Variants in ABCC8 observed in about 807,000 individuals in gnomAD.
The protein encoded by ABCC8 is ATP binding cassette subfamily C member 8, also known as ATP-binding cassette sub-family C member 8.
In ABCC8, 137 loss-of-function variants were observed where a neutral mutation model predicts 188.0. The ratio of observed to expected loss-of-function variants is 0.73; its 90% CI spans 0.63 to 0.84. The LOEUF (loss-of-function observed/expected upper bound fraction) is 0.84, where lower values mean the gene tolerates loss of function less well. Ranked by LOEUF, ABCC8 falls within the 40% of genes least tolerant of loss-of-function variation. ABCC8 has a pLI of 0.00. For missense variants in ABCC8, 1,750 were observed against 2,072.7 expected (o/e 0.84, Z 3.02); for synonymous variants, 797 against 846.5 (o/e 0.94, Z 1.01).
intron 3 of ABCC8, among the ~76,000 whole-genome samples, chr11:17,468,943 G>T (rs1200248303): frequency 1.3e-5 from 2 of 152,052 alleles, no homozygotes; most frequent in Non-Finnish European, 2.9e-5. Context: ...CTCTAAGTGG[G>T]CAGTCCTTCC....
Position 17,394,397 on chromosome 11 carries a change from C to T in ABCC8, c.4414G>A (p.Ala1472Thr). 5 of 1,614,200 alleles carry T rather than the reference C, an allele frequency of 3.1e-6. No homozygotes were observed. In the South Asian group the frequency reaches 4.4e-5, roughly 14 times the overall value. Residue 1472 changes from alanine to threonine, a missense_variant and splice_region_variant, in exon 37 of 39, where the codon GCC becomes ACC. Ala to Thr is a moderately conservative substitution (Grantham distance 58). Coordinates refer to ENST00000389817, the MANE Select transcript of ABCC8 (RefSeq NM_000352.6). ...TTCTCCCCGCCTTCTGTGATGATGGCATCTGAAAACAGCCCGGGGAGATGA... is the reference window on the plus strand; with the variant it reads ...TTCTCCCCGCCTTCTGTGATGATGGTATCTGAAAACAGCCCGGGGAGATGA... ...VVKALPGGLD[A>T]IITEGGENFS... is the part of the protein sequence containing the mutation.
rs2133452537 is a variant in ABCC8, at chr11:17,408,450, C to T, written c.2762G>A (p.Cys921Tyr). Residue 921 changes from cysteine to tyrosine, a missense_variant, in exon 23 of 39, where the codon TGC becomes TAC. By Grantham distance (194) the Cys-to-Tyr change is radical. Transcript: ENST00000389817. ...GTLKDFQRSE[C>Y]QLFEHWKTLM... The stretch of plus-strand genomic sequence containing the variant: ...GGTCTTCCAGTGCTCAAAGAGCTGG[C>T]ATTCAGACCTCTGGAAGTCCTTGAG... The T allele has an allele frequency of 6.2e-7, 1 of 1,613,844 alleles. No homozygotes were observed. Among genetic ancestry groups the T allele is most frequent in the Non-Finnish European group, 8.5e-7 (1 of 1,180,032 alleles).
At chr11:17,475,638 T>A (rs77125079) in intron 1 of ABCC8, among the ~76,000 whole-genome samples, 3 of 152,204 alleles carry the variant, frequency 2.0e-5, no homozygotes, top group African/African-American at 7.2e-5. Context: ...GATGCACATA[T>A]GAGCACATAT....
intron 21 of ABCC8, among the ~76,000 whole-genome samples, chr11:17,411,117 A>T (rs1954784596): frequency 6.6e-6 from 1 of 151,988 alleles, no homozygotes. Context: ...ACTCCCACCC[A>T]TCCTTCGCTC....
At chr11:17,455,829 C>T (rs956311941) in intron 6 of ABCC8, among the ~76,000 whole-genome samples, 1 of 150,750 alleles carries the variant, frequency 6.6e-6, no homozygotes, top group Non-Finnish European at 1.5e-5. Context: ...ATCCCAGCTA[C>T]TTGGGAGGCT....
chr11:17,470,116 G>A lies in ABCC8; in HGVS notation c.397C>T (p.Pro133Ser). Residue 133 changes from proline to serine, a missense_variant, in exon 3 of 39, where the codon CCC becomes TCC. Coordinates refer to ENST00000389817, the MANE Select transcript of ABCC8 (RefSeq NM_000352.6). Reference protein sequence around the residue: ...YYHNIETSNFPKLLIALLVYW... With the variant: ...YYHNIETSNFSKLLIALLVYW... Reference sequence around the variant, plus strand: ...CCTCACCTACCAATTAGCAGCTTGGGGAAGTTGGAAGTCTCGATGTTGTGA... The same window carrying A: ...CCTCACCTACCAATTAGCAGCTTGGAGAAGTTGGAAGTCTCGATGTTGTGA... 1.2e-6 allele frequency: 2 copies of A among 1,614,162 alleles called. No homozygotes were observed. Among genetic ancestry groups the A allele is most frequent in the South Asian group, 2.2e-5 (2 of 91,078 alleles).
chr11:17,423,219 T>C (rs1314920320), intron 16 of ABCC8, among the ~76,000 whole-genome samples: 1 of 151,852 alleles, frequency 6.6e-6, no homozygotes, highest in Non-Finnish European at 1.5e-5. Flanking sequence ...TTAGCCGGCA[T>C]GGTGGTGTAC....
chr11:17,397,080 G>A (rs1278724497), intron 32 of ABCC8, 34 bp from the exon 33 acceptor site: 1 of 1,613,926 alleles, frequency 6.2e-7, no homozygotes, highest in East Asian at 2.2e-5. Context: ...CACCAGGCAT[G>A]GGCCACAGCT....
chr11:17,399,275 CAAAAAAAAAAAAAA>C (rs57138230), intron 29 of ABCC8, among the ~76,000 whole-genome samples: 10 of 58,548 alleles, frequency 1.7e-4, no homozygotes, highest in African/African-American at 8.1e-4. Flanking sequence ...GACTCTGCCT[CAAAAAAAAAAAAAA>C]AAAAAAAAAA....
chr11:17,425,748 C>T (rs906788318), intron 16 of ABCC8, among the ~76,000 whole-genome samples: 1 of 152,152 alleles, frequency 6.6e-6, no homozygotes, highest in African/African-American at 2.4e-5. Context: ...AGGTTTGTTA[C>T]ATAGGTATAC....
intron 18 of ABCC8, 62 bp from the exon 19 acceptor site, chr11:17,414,672 G>T: frequency 6.2e-7 from 1 of 1,607,976 alleles, no homozygotes; most frequent in South Asian, 1.1e-5. Context: ...TGTTCTCAGA[G>T]GCAGTTGTCA....
In ABCC8 at chr11:17,476,669, G is replaced by A. The variant is rs757935183; in HGVS notation, c.108C>T (p.His36=). Residue 36 remains histidine (H), a synonymous_variant, in exon 1 of 39, where the codon CAC becomes CAT. Coordinates refer to ENST00000389817, the MANE Select transcript of ABCC8 (RefSeq NM_000352.6). ...GGAAGGTGATGAAGAGTAGGAAGAC[G>A]TGCGGCACCACGTTGAGCGCGTCCA... The part of the protein sequence containing the change: ...CFVDALNVVP[H]VFLLFITFPI... The A allele has an allele frequency of 1.9e-6, 3 of 1,612,372 alleles. No individual in the cohort carries two copies. The highest frequency in any genetic ancestry group is 2.5e-6 in the Non-Finnish European group (3 of 1,179,408).
rs376005080 is a variant in ABCC8 at position 17,461,662 on chromosome 11, C to T, written c.743G>A (p.Arg248Gln). 93 of 1,614,220 alleles carry T rather than the reference C, an allele frequency of 5.8e-5. No homozygotes were observed. The highest frequency in any genetic ancestry group is 7.4e-5 in the Non-Finnish European group (87 of 1,180,044). ...KTAHKKPIDLRAIGKLPIAMR... is the reference protein window; with the variant it reads ...KTAHKKPIDLQAIGKLPIAMR... ...GGCGATGGGCAGCTTCCCGATGGCT[C>T]GCAAGTCGATGGGCTTCTTGTGGGC... The change falls in exon 5 of 39, where the codon CGA (arginine) becomes CAA (glutamine). Residue 248 changes from arginine to glutamine, a missense_variant. Coordinates refer to ENST00000389817, the MANE Select transcript of ABCC8 (RefSeq NM_000352.6).
intron 10 of ABCC8, among the ~76,000 whole-genome samples, chr11:17,436,766 A>G (rs1956115139): frequency 6.6e-6 from 1 of 152,188 alleles, no homozygotes; most frequent in East Asian, 1.9e-4. Context: ...ATTTTTTAGA[A>G]TATCCTTTCC....
chr11:17,445,325 C>T (rs1008133202), intron 8 of ABCC8, among the ~76,000 whole-genome samples: 1 of 125,372 alleles, frequency 8.0e-6, no homozygotes, highest in Non-Finnish European at 1.8e-5. Flanking sequence ...GGGCTGGGGG[C>T]GAAGATGAGG....
In ABCC8 at chr11:17,430,418, G is replaced by A. The variant is rs1591803270; in HGVS notation, c.1817+396C>T. 3 of 347,010 alleles carry A rather than the reference G, an allele frequency of 8.6e-6. No individual in the cohort carries two copies. The Admixed American group carries it at 1.1e-4, about 13-fold the overall frequency. The allele number at this position is 347,010 out of a possible 1,614,324, so 21.5% of individuals were successfully genotyped here. On this transcript the variant is annotated intron_variant, in intron 12 of 38. Transcript: ENST00000389817. ...ACTTGGCCTGGGAAAGATAGACACA[G>A]TGGATGCCTTCTGATATCCATGGGG...
chr11:17,443,762 C>T (rs571188997), intron 8 of ABCC8, among the ~76,000 whole-genome samples: 25 of 152,260 alleles, frequency 1.6e-4, no homozygotes, highest in Admixed American at 1.0e-3. Flanking sequence ...GCCTGGGGTC[C>T]GAGAATTCGC....
At chr11:17,437,844 A>T (rs951058838) in intron 10 of ABCC8, among the ~76,000 whole-genome samples, 2 of 152,234 alleles carry the variant, frequency 1.3e-5, no homozygotes. Context: ...CATGCTTGTA[A>T]TCCCAGCATT....
chr11:17,412,988 C>A (rs944345611), intron 20 of ABCC8: 2 of 765,190 alleles, frequency 2.6e-6, no homozygotes, highest in Non-Finnish European at 4.1e-6. Context: ...CTGACCAGTA[C>A]AAACAAAGAC....
Sources: gnomAD v4.1 joint callset for allele counts (sites outside exome capture counted in the v4.1 genomes callset) on GRCh38, gnomAD v4.1.1 for gene constraint, MANE v1.5 for transcripts, NCBI Gene and HGNC (gene_info 2026-07-23, HGNC 2026-07-21) for gene names.